Variants in DHX9 observed in about 807,000 individuals in gnomAD.
The protein encoded by DHX9 is ATP-dependent RNA helicase A.
In DHX9, 27 loss-of-function variants were observed where a neutral mutation model predicts 148.7. That is an observed-to-expected ratio of 0.18 (90% CI 0.13 to 0.25). The LOEUF is 0.25. DHX9 is among the 10% of genes least tolerant of loss of function. The pLI, the probability that DHX9 is intolerant of heterozygous loss-of-function variation, is 1.00. For synonymous variants in DHX9, 529 were observed against 516.6 expected (o/e 1.02, Z -0.33); for missense variants, 796 against 1,559.6 (o/e 0.51, Z 8.25).
At chr1:182,842,152 T>C (rs1345151132) in intron 1 of DHX9, among the ~76,000 whole-genome samples, 1 of 152,210 alleles carries the variant, frequency 6.6e-6, no homozygotes, top group Non-Finnish European at 1.5e-5. Context: ...AAGACAATGA[T>C]AGTACCCACC....
intron 3 of DHX9, among the ~76,000 whole-genome samples, chr1:182,847,689 A>G (rs901139804): frequency 2.0e-5 from 3 of 152,180 alleles, no homozygotes; most frequent in African/African-American, 4.8e-5. Context: ...GGCCAAAAAG[A>G]TGGTTTCATT....
At chr1:182,855,914 T>C (rs936566758) in intron 6 of DHX9, among the ~76,000 whole-genome samples, 4 of 152,238 alleles carry the variant, frequency 2.6e-5, no homozygotes, top group Admixed American at 6.5e-5. Context: ...GTTTTAGATA[T>C]AATGTTACAA....
At position 182,858,914 on chromosome 1, in the gene DHX9, T is replaced by A. The variant is rs1668304906; in HGVS notation, c.1062+20T>A. 6.2e-7 allele frequency: 1 copy of A among 1,613,534 alleles called. No homozygotes were observed. Among genetic ancestry groups the A allele is most frequent in the Non-Finnish European group, 8.5e-7 (1 of 1,179,726 alleles). On this transcript the variant is annotated intron_variant, in intron 10 of 27. Transcript: ENST00000367549. ...GCTTTTGTGAGTGCAATATTGTTTT[T>A]GAGATCAGAGTCTTGTGTTTTACTC...
chr1:182,866,631 T>A (rs1648307503), intron 13 of DHX9, 46 bp downstream of exon 13: 2 of 1,575,900 alleles, frequency 1.3e-6, no homozygotes, highest in African/African-American at 2.7e-5. Context: ...ATATTGTGGT[T>A]GTGAAGAAAA....
Position 182,876,877 on chromosome 1 carries a change from T to C in DHX9, c.2172T>C (p.Asp724=). 1 of 1,612,342 alleles carries C rather than the reference T, an allele frequency of 6.2e-7. No individual in the cohort carries two copies. Among genetic ancestry groups the C allele is most frequent in the Non-Finnish European group, 8.5e-7 (1 of 1,179,314 alleles). ...CTGAAACAAGCATTACCATAAACGA[T>C]GTTGTTTATGTCATTGACTCCTGCA... ...NIAETSITIN[D]VVYVIDSCKQ... is the part of the protein sequence containing the mutation. Residue 724 remains aspartate, a synonymous_variant, in exon 19 of 28, where the codon GAT becomes GAC. Transcript: ENST00000367549.
At chr1:182,879,757 G>T (rs916563425) in intron 21 of DHX9, among the ~76,000 whole-genome samples, 1 of 151,934 alleles carries the variant, frequency 6.6e-6, no homozygotes, top group East Asian at 1.9e-4. Context: ...ACGGAATCTC[G>T]CTCCATTGCC....
rs1571326115 is a variant in DHX9, at chr1:182,887,276, AGAG to A, written c.3659_3661del (p.Gly1220del). On this transcript the variant is annotated inframe_deletion, in exon 28 of 28. Transcript: ENST00000367549. ...TGGTGCAGGTGTTGGTGGAGGCTAT[AGAG>A]GAGTTTCCCGAGGTGGCTTTAGAGG... is the stretch of plus-strand genomic sequence containing the variant. The A allele has an allele frequency of 1.9e-6, 3 of 1,614,150 alleles. No homozygotes were observed. Among genetic ancestry groups the A allele is most frequent in the Non-Finnish European group, 2.5e-6 (3 of 1,180,024 alleles).
chr1:182,853,447 T>C (rs1213112116), intron 5 of DHX9, 29 bp downstream of exon 5: 2 of 1,416,644 alleles, frequency 1.4e-6, no homozygotes, highest in Non-Finnish European at 9.9e-7. Context: ...GTTACATCTC[T>C]GAGAATGTGA....
Position 182,887,596 on chromosome 1 carries a change from T to C in DHX9, c.*162T>C, listed in dbSNP as rs1408699263. The C allele has an allele frequency of 8.2e-6, 5 of 606,228 alleles. No homozygotes were observed. Among genetic ancestry groups the C allele is most frequent in the South Asian group, 6.9e-5 (3 of 43,602 alleles). 37.6% of individuals were successfully genotyped at this position (606,228 alleles called of 1,614,324 possible). A position where few individuals can be genotyped will look rare whatever the true frequency, so the allele number is the denominator to read the frequency against. On this transcript the variant is annotated 3_prime_UTR_variant, in exon 28 of 28. Coordinates refer to ENST00000367549, the MANE Select transcript of DHX9 (RefSeq NM_001357.5). ...TAAGGAAACCAAGCATATAGATGCATTAGTGATTTTGTTTATATTATGTAA... is the reference window on the plus strand; with the variant it reads ...TAAGGAAACCAAGCATATAGATGCACTAGTGATTTTGTTTATATTATGTAA...
intron 13 of DHX9, 22 bp from the exon 14 acceptor site, chr1:182,866,935 GTTTA>G: frequency 1.3e-6 from 2 of 1,580,886 alleles, no homozygotes; most frequent in South Asian, 2.3e-5. Flanking sequence ...CTTTTCTATA[GTTTA>G]TTGATTGTTT....
chr1:182,857,649 G>T (rs1407302588), intron 7 of DHX9, among the ~76,000 whole-genome samples: 1 of 152,194 alleles, frequency 6.6e-6, no homozygotes, highest in Non-Finnish European at 1.5e-5. Flanking sequence ...GTTGTGACAA[G>T]ATACTATATG....
intron 11 of DHX9, among the ~76,000 whole-genome samples, 154 bp from the exon 12 acceptor site, chr1:182,859,839 C>G (rs182970755): frequency 6.6e-6 from 1 of 152,164 alleles, no homozygotes; most frequent in South Asian, 2.1e-4. Context: ...TCTCGAACTC[C>G]TCACCTCATG....
rs1361727628 is a variant in DHX9, at chr1:182,887,700, A to G, written c.*266A>G. Reference sequence around the variant, plus strand: ...AAGATTTGCCTTTAAATAACTTGGTATTTTCCTGGCTTTCGTTTAATACAA... The same window carrying G: ...AAGATTTGCCTTTAAATAACTTGGTGTTTTCCTGGCTTTCGTTTAATACAA... On this transcript the variant is annotated 3_prime_UTR_variant, in exon 28 of 28. Transcript: ENST00000367549. 2.6e-6 allele frequency: 1 copy of G among 383,122 alleles called. No homozygotes were observed. Among genetic ancestry groups the G allele is most frequent in the African/African-American group, 2.0e-5 (1 of 49,828 alleles). 23.7% of individuals were successfully genotyped at this position (383,122 alleles called of 1,614,324 possible).
chr1:182,867,681 G>T (rs1309893604), intron 14 of DHX9, among the ~76,000 whole-genome samples: 1 of 152,158 alleles, frequency 6.6e-6, no homozygotes, highest in African/African-American at 2.4e-5. Context: ...GGGATTACAG[G>T]CATGAGCCAT....
intron 13 of DHX9, 55 bp downstream of exon 13, chr1:182,866,640 A>G (rs16865323): frequency 0.014 from 21,934 of 1,548,896 alleles, 613 homozygotes; most frequent in African/African-American, 0.095. Flanking sequence ...TTGTGAAGAA[A>G]ACTTGATAGC....
intron 12 of DHX9, among the ~76,000 whole-genome samples, chr1:182,865,613 T>G (rs1467893084): frequency 6.6e-6 from 1 of 152,224 alleles, no homozygotes; most frequent in East Asian, 1.9e-4. Context: ...CTTTTATCTT[T>G]ATGGGCAGGA....
chr1:182,862,789 T>C (rs1238185926), intron 12 of DHX9, among the ~76,000 whole-genome samples: 1 of 152,230 alleles, frequency 6.6e-6, no homozygotes, highest in African/African-American at 2.4e-5. Context: ...ATTAAAGGTA[T>C]GGATTCTAGA....
At chr1:182,867,091 AAG>A in intron 14 of DHX9, 48 bp downstream of exon 14, 1 of 1,176,670 alleles carries the variant, frequency 8.5e-7, no homozygotes, top group Non-Finnish European at 1.2e-6. Context: ...TGCTATTTCT[AAG>A]AGAAATCAGT....
At chr1:182,844,937 A>G (rs138364565) in intron 3 of DHX9, among the ~76,000 whole-genome samples, 1,820 of 152,296 alleles carry the variant, frequency 0.012, 32 homozygotes, top group African/African-American at 0.037. Flanking sequence ...TGCTGGGATT[A>G]CAGGTGTGAG....
Sources: allele counts gnomAD v4.1 joint callset (sites outside exome capture counted in the v4.1 genomes callset), GRCh38; gene constraint gnomAD v4.1.1; transcripts MANE v1.5; gene names NCBI Gene and HGNC (gene_info 2026-07-23, HGNC 2026-07-21).